Variants in SEMA3A observed in about 807,000 individuals in gnomAD.
The protein encoded by SEMA3A is semaphorin 3A.
SEMA3A carries 29 observed loss-of-function variants against 97.9 expected under a neutral mutation model. That is an observed-to-expected ratio of 0.30 (90% CI 0.22 to 0.40). The LOEUF (loss-of-function observed/expected upper bound fraction) is 0.40, where lower values mean the gene tolerates loss of function less well. Among genes scored for constraint, SEMA3A ranks in the 10% least tolerant of loss-of-function variants. The pLI, the probability that SEMA3A is intolerant of heterozygous loss-of-function variation, is 1.00. For missense variants in SEMA3A, 763 were observed against 951.3 expected (o/e 0.80, Z 2.60); for synonymous variants, 321 against 323.7 (o/e 0.99, Z 0.09).
At chr7:84,301,124 A>G (rs1170299313) in intron 3 of SEMA3A, among the ~76,000 whole-genome samples, 1 of 152,114 alleles carries the variant, frequency 6.6e-6, no homozygotes, top group Non-Finnish European at 1.5e-5. Context: ...AACTTTGAAA[A>G]CTACAAGAAT....
chr7:84,067,363 C>G (rs1439383994), intron 4 of SEMA3A, among the ~76,000 whole-genome samples: 8 of 152,134 alleles, frequency 5.3e-5, no homozygotes, highest in African/African-American at 1.9e-4. Context: ...TAAGCATGGG[C>G]AAGGACTTCA....
intron 1 of SEMA3A, among the ~76,000 whole-genome samples, chr7:84,424,823 AATG>A (rs1261203844): frequency 7.0e-4 from 71 of 101,016 alleles, no homozygotes; most frequent in African/African-American, 2.7e-3. Context: ...TATATAATAT[AATG>A]ATATCTAAAT....
intron 3 of SEMA3A, among the ~76,000 whole-genome samples, chr7:84,307,010 C>T (rs1801175576): frequency 6.6e-6 from 1 of 151,904 alleles, no homozygotes; most frequent in African/African-American, 2.4e-5. Flanking sequence ...TTCCTACAAA[C>T]TGATTTTTAT....
Position 84,297,248 on chromosome 7 carries a change from A to T in SEMA3A, c.-83+9959T>A, listed in dbSNP as rs1333724317. Among the ~76,000 whole-genome samples, 3 of 152,136 alleles carry T rather than the reference A, an allele frequency of 2.0e-5. 1 individual carries two copies. In the South Asian group the frequency reaches 6.2e-4, roughly 31 times the overall value. On this transcript the variant is annotated intron_variant, in intron 3 of 3. Transcript: ENST00000424555. ...GGCCTTGGCCTCCCAAAGTTCTGGG[A>T]TTACAGGTGTGAGCCACCGTGCCCA...
intron 3 of SEMA3A, among the ~76,000 whole-genome samples, chr7:84,283,651 GT>G (rs934845441): frequency 6.6e-6 from 1 of 151,894 alleles, no homozygotes; most frequent in Admixed American, 6.6e-5. Context: ...TATATGCAGG[GT>G]TTTTTCCACA....
At chr7:84,070,225 A>G (rs1583915075) in intron 4 of SEMA3A, among the ~76,000 whole-genome samples, 1 of 152,128 alleles carries the variant, frequency 6.6e-6, no homozygotes. Context: ...TTATTGTGCT[A>G]TATTTTATTA....
At chr7:84,095,755 T>G (rs188810497) in intron 4 of SEMA3A, among the ~76,000 whole-genome samples, 142 of 152,020 alleles carry the variant, frequency 9.3e-4, no homozygotes, top group Admixed American at 2.1e-3. Flanking sequence ...GCTTCTCTAA[T>G]GTTTCCAATT....
chr7:84,409,910 A>G (rs1804212991), intron 1 of SEMA3A, among the ~76,000 whole-genome samples: 1 of 152,120 alleles, frequency 6.6e-6, no homozygotes, highest in African/African-American at 2.4e-5. Context: ...TGTGAGGTAT[A>G]AAGTACAGAA....
At chr7:84,425,858 ACACACACACACACACACACC>A (rs1225588226) in intron 1 of SEMA3A, among the ~76,000 whole-genome samples, 2 of 89,714 alleles carry the variant, frequency 2.2e-5, no homozygotes, top group African/African-American at 1.0e-4. Context: ...TATATAACAC[ACACACACACACACACACACC>A]CACACACACA....
chr7:84,184,920 C>T lies in SEMA3A; in HGVS notation c.112+9555G>A, dbSNP rs539143329. ...TAGACAGCAACATTGAACAATGGAACGTGCCCTGGGAAGGTCAACCACAAA... is the reference window on the plus strand; with the variant it reads ...TAGACAGCAACATTGAACAATGGAATGTGCCCTGGGAAGGTCAACCACAAA... On this transcript the variant is annotated intron_variant, in intron 1 of 16. Transcript: ENST00000265362. Among the ~76,000 whole-genome samples, 14 of 152,154 alleles carry T rather than the reference C, an allele frequency of 9.2e-5. No individual in the cohort carries two copies. The East Asian group carries it at 2.3e-3, about 25-fold the overall frequency.
chr7:83,995,468 CTTAT>C (rs1790175107), intron 12 of SEMA3A, among the ~76,000 whole-genome samples: 3 of 152,058 alleles, frequency 2.0e-5, no homozygotes, highest in African/African-American at 4.8e-5. Context: ...TTAAAGGAAA[CTTAT>C]TTATTATTTA....
chr7:84,043,836 C>T (rs1449537899), intron 6 of SEMA3A, among the ~76,000 whole-genome samples: 1 of 152,044 alleles, frequency 6.6e-6, no homozygotes, highest in Non-Finnish European at 1.5e-5. Context: ...ATGAACTACA[C>T]ATTTTCAGAG....
chr7:84,346,511 T>C (rs1461171783), intron 2 of SEMA3A, among the ~76,000 whole-genome samples: 1 of 152,170 alleles, frequency 6.6e-6, no homozygotes, highest in Non-Finnish European at 1.5e-5. Context: ...GAGGCCATCG[T>C]CAGGCTATTA....
intron 1 of SEMA3A, among the ~76,000 whole-genome samples, chr7:84,403,690 A>G (rs1803976633): frequency 6.6e-6 from 1 of 152,148 alleles, no homozygotes; most frequent in Non-Finnish European, 1.5e-5. Flanking sequence ...CTCCTCTGAG[A>G]CAAAACTTCC....
At chr7:84,366,494 A>G (rs1802851742) in intron 2 of SEMA3A, among the ~76,000 whole-genome samples, 1 of 151,414 alleles carries the variant, frequency 6.6e-6, no homozygotes. Flanking sequence ...CTTTTTATCA[A>G]TCTGCTATAA....
chr7:84,248,646 A>T (rs564338914), intron 3 of SEMA3A, among the ~76,000 whole-genome samples: 1 of 152,262 alleles, frequency 6.6e-6, no homozygotes, highest in African/African-American at 2.4e-5. Context: ...TTCAATAAAC[A>T]GCACGTCAGT....
intron 2 of SEMA3A, among the ~76,000 whole-genome samples, chr7:84,352,228 G>C (rs1802454935): frequency 6.6e-6 from 1 of 151,956 alleles, no homozygotes; most frequent in African/African-American, 2.4e-5. Context: ...ACCAGAGGCT[G>C]GAAAGGTTAG....
chr7:84,089,779 T>C (rs1304625528), intron 4 of SEMA3A, among the ~76,000 whole-genome samples: 1 of 151,866 alleles, frequency 6.6e-6, no homozygotes, highest in Non-Finnish European at 1.5e-5. Flanking sequence ...TATAGACATG[T>C]ACTGTGTATC....
intron 1 of SEMA3A, among the ~76,000 whole-genome samples, chr7:84,145,073 C>CTA (rs957402684): frequency 2.6e-5 from 4 of 152,124 alleles, no homozygotes; most frequent in African/African-American, 9.7e-5. Context: ...GACATGCCAT[C>CTA]TATAGTCTCA....
Sources: allele counts gnomAD v4.1 joint callset (sites outside exome capture counted in the v4.1 genomes callset), GRCh38; gene constraint gnomAD v4.1.1; transcripts MANE v1.5; gene names NCBI Gene and HGNC (gene_info 2026-07-23, HGNC 2026-07-21).